The following DNAH6 variants were observed in gnomAD, a reference collection of about 807,000 sequenced individuals.
The protein encoded by DNAH6 is axonemal beta dynein heavy chain 6.
Under a neutral mutation model 491.4 loss-of-function variants are expected in DNAH6, and 340 were observed. The ratio of observed to expected loss-of-function variants is 0.69; its 90% confidence interval spans 0.63 to 0.76. DNAH6 has a LOEUF of 0.76. DNAH6 is among the 30% of genes least tolerant of loss of function. The pLI is 0.00. For missense variants in DNAH6, 4,443 were observed against 4,972.2 expected (o/e 0.89, Z 3.20); for synonymous variants, 1,603 against 1,686.1 (o/e 0.95, Z 1.21).
At chr2:84,545,907 T>C (rs72939156) in intron 5 of DNAH6, among the ~76,000 whole-genome samples, 1,677 of 152,298 alleles carry the variant, frequency 0.011, 28 homozygotes, top group African/African-American at 0.037. Flanking sequence ...TATAACAGTT[T>C]TGATATATAA....
At chr2:84,546,750 G>T (rs1429886332) in intron 5 of DNAH6, among the ~76,000 whole-genome samples, 1 of 152,054 alleles carries the variant, frequency 6.6e-6, no homozygotes, top group African/African-American at 2.4e-5. Context: ...TTTTTCTTTG[G>T]CACATACCTA....
intron 44 of DNAH6, among the ~76,000 whole-genome samples, chr2:84,687,703 G>C (rs1275010938): frequency 6.6e-6 from 1 of 152,086 alleles, no homozygotes; most frequent in Non-Finnish European, 1.5e-5. Flanking sequence ...CCAGGAGAAA[G>C]TGCCCCTGGG....
intron 45 of DNAH6, among the ~76,000 whole-genome samples, chr2:84,690,423 T>A (rs1324042156): frequency 6.6e-6 from 1 of 152,210 alleles, no homozygotes; most frequent in African/African-American, 2.4e-5. Flanking sequence ...TGCTATCCCC[T>A]AACAACTTTT....
chr2:84,603,254 A>G (rs1167068382), intron 18 of DNAH6, among the ~76,000 whole-genome samples: 1 of 151,752 alleles, frequency 6.6e-6, no homozygotes, highest in African/African-American at 2.4e-5. Context: ...TTCTACTTGG[A>G]TTTTTGTGCA....
At chr2:84,725,303 A>G (rs1698525007) in intron 60 of DNAH6, among the ~76,000 whole-genome samples, 1 of 152,220 alleles carries the variant, frequency 6.6e-6, no homozygotes, top group Non-Finnish European at 1.5e-5. Context: ...TTCTATTTCC[A>G]GGAAAGAATG....
intron 62 of DNAH6, 101 bp from the exon 63 acceptor site, chr2:84,744,979 C>G (rs1672828639): frequency 2.6e-6 from 2 of 776,488 alleles, no homozygotes; most frequent in Non-Finnish European, 3.9e-6. Context: ...GTGGTTAAAA[C>G]TGATAGTAAA....
At chr2:84,597,267 C>T (rs1452845908) in intron 18 of DNAH6, among the ~76,000 whole-genome samples, 7 of 152,268 alleles carry the variant, frequency 4.6e-5, no homozygotes, top group Non-Finnish European at 8.8e-5. Context: ...ATGTAACATA[C>T]TCTTACAAAT....
rs112851782 is a variant in DNAH6, at chr2:84,802,754, A to G, written c.11482-2911A>G. ...AATACTCCACCAATAACCAAAGAAT[A>G]TACAGTCTTCTCATCTGCACACAAA... On this transcript the variant is annotated intron_variant, in intron 70 of 76. Transcript: ENST00000389394. Among the ~76,000 whole-genome samples the G allele has an allele frequency of 2.8e-4, 42 of 152,298 alleles. 1 individual carries two copies. Among genetic ancestry groups the G allele is most frequent in the African/African-American group, 9.4e-4 (39 of 41,566 alleles).
chr2:84,613,293 A>G (rs185636534), intron 22 of DNAH6, among the ~76,000 whole-genome samples: 3 of 152,200 alleles, frequency 2.0e-5, no homozygotes, highest in Admixed American at 6.5e-5. Context: ...CAAGGCTCCC[A>G]AGGTGAGTGC....
At chr2:84,530,933 A>G (rs984197680) in intron 4 of DNAH6, among the ~76,000 whole-genome samples, 2 of 152,166 alleles carry the variant, frequency 1.3e-5, no homozygotes, top group Non-Finnish European at 2.9e-5. Flanking sequence ...TGCCAAGATC[A>G]TGGAGGCACG....
Position 84,595,751 on chromosome 2 carries a change from C to G in DNAH6, c.2830C>G (p.Pro944Ala), listed in dbSNP as rs912877898. 3.9e-6 allele frequency: 6 copies of G among 1,549,030 alleles called. No homozygotes were observed. In the African/African-American group the frequency reaches 8.2e-5, roughly 21 times the overall value. The part of the protein sequence containing the change: ...EKGLPPNSVV[P>A]QLKYKVEKMK... ...AGGCTTGCCACCCAACAGTGTAGTG[C>G]CCCAGCTCAAATACAAGGTGGAAAA... The change falls in exon 18 of 77, where the codon CCC becomes GCC. Residue 944 changes from proline to alanine, a missense_variant. Physicochemically the swap from Pro to Ala is conservative, Grantham distance 27. Transcript: ENST00000389394.
intron 62 of DNAH6, among the ~76,000 whole-genome samples, chr2:84,742,060 G>A (rs915862770): frequency 1.2e-4 from 19 of 152,156 alleles, no homozygotes; most frequent in Admixed American, 3.9e-4. Context: ...ATGAATCCAA[G>A]CATTCTCTCC....
At chr2:84,649,547 A>G (rs1690219776) in intron 33 of DNAH6, among the ~76,000 whole-genome samples, 2 of 152,074 alleles carry the variant, frequency 1.3e-5, no homozygotes, top group South Asian at 4.1e-4. Flanking sequence ...TTTCCCCTGG[A>G]TATAGGATTC....
chr2:84,667,122 T>A (rs1692209660), intron 37 of DNAH6, among the ~76,000 whole-genome samples: 1 of 152,156 alleles, frequency 6.6e-6, no homozygotes, highest in African/African-American at 2.4e-5. Flanking sequence ...GACTTAAATG[T>A]TAGACCTAAA....
At chr2:84,489,447 G>T in the DNAH6 span, among the ~76,000 whole-genome samples, 1 of 152,130 alleles carries the variant, frequency 6.6e-6, no homozygotes, top group Non-Finnish European at 1.5e-5. Flanking sequence ...TGCAGGTTTA[G>T]TAAGTATTGA....
the DNAH6 span, among the ~76,000 whole-genome samples, chr2:84,473,978 C>A: frequency 6.6e-6 from 1 of 152,196 alleles, no homozygotes; most frequent in Non-Finnish European, 1.5e-5. Context: ...AATAGTCAGA[C>A]TATTTAGCAT....
chr2:84,646,387 A>G (rs1689900172), intron 33 of DNAH6, among the ~76,000 whole-genome samples: 1 of 152,178 alleles, frequency 6.6e-6, no homozygotes, highest in Non-Finnish European at 1.5e-5. Context: ...CTAGTGTTCA[A>G]GTGAAAGGAA....
chr2:84,611,055 A>G (rs1686276529), intron 21 of DNAH6, among the ~76,000 whole-genome samples: 2 of 152,184 alleles, frequency 1.3e-5, no homozygotes, highest in South Asian at 4.1e-4. Context: ...GGGCACACAC[A>G]TGCAGTAATA....
chr2:84,653,176 A>G lies in DNAH6; in HGVS notation c.5079-143A>G, dbSNP rs569911824. 2.2e-5 allele frequency: 16 copies of G among 737,164 alleles called. No individual in the cohort carries two copies. In the South Asian group the frequency reaches 3.2e-4, roughly 15 times the overall value. The allele number at this position is 737,164 out of a possible 1,614,324, so 45.7% of individuals were successfully genotyped here. On this transcript the variant is annotated intron_variant, in intron 33 of 76. Transcript: ENST00000389394. Reference sequence around the variant, plus strand: ...GAAATGATAGATTCTGGTACAGCACATAGGACAAACTAATACTGTACATGT... The same window carrying G: ...GAAATGATAGATTCTGGTACAGCACGTAGGACAAACTAATACTGTACATGT...
Sources: gnomAD v4.1 joint callset for allele counts (sites outside exome capture counted in the v4.1 genomes callset) on GRCh38, gnomAD v4.1.1 for gene constraint, MANE v1.5 for transcripts, NCBI Gene and HGNC (gene_info 2026-07-23, HGNC 2026-07-21) for gene names.